The following DDX1 variants were observed in gnomAD, a reference collection of about 807,000 sequenced individuals.
DDX1 encodes the protein ATP-dependent RNA helicase DDX1.
In DDX1, 28 loss-of-function variants were observed where a neutral mutation model predicts 108.7. That is an observed-to-expected ratio of 0.26 (90% CI 0.19 to 0.35). The LOEUF (loss-of-function observed/expected upper bound fraction) is 0.35. DDX1 is among the 10% of genes least tolerant of loss of function. The pLI, the probability that DDX1 is intolerant of heterozygous loss-of-function variation, is 1.00. For missense variants in DDX1, 710 were observed against 884.5 expected, an observed-to-expected ratio of 0.80 and a Z score of 2.50; for synonymous variants, 295 against 288.9, an observed-to-expected ratio of 1.02 and a Z score of -0.21.
chr2:15,593,746 T>C (rs923596365), intron 1 of DDX1, among the ~76,000 whole-genome samples: 1 of 152,024 alleles, frequency 6.6e-6, no homozygotes, highest in Non-Finnish European at 1.5e-5. Context: ...AGATCTTCAT[T>C]AGTTTATCTG....
intron 13 of DDX1, among the ~76,000 whole-genome samples, chr2:15,611,623 C>A (rs1435000224): frequency 2.8e-5 from 3 of 105,350 alleles, no homozygotes; most frequent in African/African-American, 1.5e-4. Context: ...CTCCTCACTT[C>A]CCAGTAGGGG....
chr2:15,595,332 G>T, intron 2 of DDX1, 136 bp downstream of exon 2: 1 of 934,330 alleles, frequency 1.1e-6, no homozygotes, highest in Non-Finnish European at 1.6e-6. Context: ...TCTAAATTAT[G>T]GAAAGTTTCC....
At position 15,623,477 on chromosome 2, in the gene DDX1, G is replaced by T; in HGVS notation, c.1489G>T (p.Ala497Ser). The change falls in exon 19 of 26, where the codon GCT (alanine) becomes TCT (serine). Residue 497 changes from alanine to serine, a missense_variant. Ala to Ser is a moderately conservative substitution (Grantham distance 99). Coordinates refer to ENST00000233084, the MANE Select transcript of DDX1 (RefSeq NM_004939.3). ...TATTAAAATCCTGAAAGGGGAGTAT[G>T]CTGTCCGGGCAATCAAGGAACATAA... is the stretch of plus-strand genomic sequence containing the variant. ...EAIKILKGEY[A>S]VRAIKEHKMD... 6.2e-7 allele frequency: 1 copy of T among 1,613,588 alleles called. No individual in the cohort carries two copies. The highest frequency in any genetic ancestry group is 2.2e-5 in the East Asian group (1 of 44,784).
At chr2:15,603,925 A>C in intron 9 of DDX1, 35 bp downstream of exon 9, 1 of 1,434,558 alleles carries the variant, frequency 7.0e-7, no homozygotes, top group Non-Finnish European at 9.7e-7. Flanking sequence ...ACATAGCATA[A>C]GTAAGTTTTC....
chr2:15,597,925 A>G (rs555720167), intron 5 of DDX1, among the ~76,000 whole-genome samples: 2 of 152,186 alleles, frequency 1.3e-5, no homozygotes, highest in South Asian at 4.2e-4. Flanking sequence ...GGAAGTTAAA[A>G]TATAAATTTT....
chr2:15,612,596 A>G (rs1665794050), intron 13 of DDX1, among the ~76,000 whole-genome samples: 2 of 151,498 alleles, frequency 1.3e-5, no homozygotes, highest in Admixed American at 6.6e-5. Context: ...CTCACTTCCC[A>G]GACGGGGTGG....
intron 23 of DDX1, among the ~76,000 whole-genome samples, chr2:15,629,177 T>C (rs908456104): frequency 6.6e-6 from 1 of 152,218 alleles, no homozygotes; most frequent in African/African-American, 2.4e-5. Context: ...AGAAAAGTTG[T>C]ATTCATAAAG....
chr2:15,605,929 C>A (rs556526208), intron 10 of DDX1, 21 bp from the exon 11 acceptor site: 46 of 1,499,616 alleles, frequency 3.1e-5, no homozygotes, highest in Non-Finnish European at 4.0e-5. Context: ...TTTAATCTCT[C>A]TCTCTCTCTT....
At chr2:15,599,762 T>G (rs1573037130) in intron 6 of DDX1, 46 bp downstream of exon 6, 1 of 1,403,804 alleles carries the variant, frequency 7.1e-7, no homozygotes, top group Non-Finnish European at 9.9e-7. Flanking sequence ...TTCAGAAACT[T>G]TAAAAAATAA....
rs1281722377 is a variant in DDX1, at chr2:15,623,657, T to C, written c.1594+75T>C. 7 of 1,256,634 alleles carry C rather than the reference T, an allele frequency of 5.6e-6. No homozygotes were observed. In the Admixed American group the frequency reaches 9.0e-5, roughly 16 times the overall value. The allele number at this position is 1,256,634 out of a possible 1,614,324, so 77.8% of individuals were successfully genotyped here. On this transcript the variant is annotated intron_variant, in intron 19 of 25. Transcript: ENST00000233084. ...GATTATTAATCTCATGTTGATGCAA[T>C]CTAGAACACATGCACAGAATTTAAA...
intron 13 of DDX1, among the ~76,000 whole-genome samples, chr2:15,612,790 C>T (rs1473189035): frequency 3.3e-5 from 5 of 152,340 alleles, no homozygotes; most frequent in Middle Eastern, 3.4e-3. Flanking sequence ...GGATCACTCG[C>T]GGTTAGGAGC....
chr2:15,630,186 AC>A, intron 25 of DDX1, 76 bp downstream of exon 25: 1 of 1,423,126 alleles, frequency 7.0e-7, no homozygotes, highest in Non-Finnish European at 9.8e-7. Flanking sequence ...GGAAGGCAGT[AC>A]TTTCATTTCA....
chr2:15,600,420 C>T (rs1665571407), intron 6 of DDX1, among the ~76,000 whole-genome samples: 1 of 152,226 alleles, frequency 6.6e-6, no homozygotes, highest in Admixed American at 6.5e-5. Context: ...GTAAAGACTC[C>T]TCAGGAAGCT....
Position 15,623,363 on chromosome 2 carries a change from CTATAAT to C in DDX1, c.1448-69_1448-64del, listed in dbSNP as rs1666041791. The C allele has an allele frequency of 2.7e-6, 4 of 1,458,104 alleles. No homozygotes were observed. The East Asian group carries it at 6.9e-5, about 25-fold the overall frequency. The allele number at this position is 1,458,104 out of a possible 1,614,324, so 90.3% of individuals were successfully genotyped here. A position where few individuals can be genotyped will look rare whatever the true frequency, so the allele number is the denominator to read the frequency against. The stretch of plus-strand genomic sequence containing the variant: ...GGAAAATTAAGCAGTCAGTCTGTGA[CTATAAT>C]TATGTGTATTCATGACAAGTTCAGA... On this transcript the variant is annotated intron_variant, in intron 18 of 25. Coordinates refer to ENST00000233084, the MANE Select transcript of DDX1 (RefSeq NM_004939.3).
Position 15,607,244 on chromosome 2 carries a change from G to T in DDX1, c.887G>T (p.Arg296Leu). Residue 296 changes from arginine (R) to leucine (L), a missense_variant, in exon 13 of 26, where the codon CGG (arginine) becomes CTG (leucine). Around this residue, in one of 3 missense-constraint regions of DDX1, gnomAD observed 661 missense variants for 810.2 expected, o/e 0.82. Transcript: ENST00000233084. ...APKALIVEPS[R>L]ELAEQTLNNI... ...AAAGCTCTCATTGTTGAACCTTCCC[G>T]GGAGTTAGCTGAACAAACTTTGAAC... is the stretch of plus-strand genomic sequence containing the variant. 1 of 1,613,474 alleles carries T rather than the reference G, an allele frequency of 6.2e-7. No homozygotes were observed. Among genetic ancestry groups the T allele is most frequent in the Non-Finnish European group, 8.5e-7 (1 of 1,179,506 alleles).
In DDX1 at chr2:15,631,025, C is replaced by T; in HGVS notation, c.*119C>T. The T allele has an allele frequency of 1.1e-6, 1 of 873,564 alleles. No individual in the cohort carries two copies. The highest frequency in any genetic ancestry group is 1.6e-6 in the Non-Finnish European group (1 of 612,602). The allele number at this position is 873,564 out of a possible 1,614,324, so 54.1% of individuals were successfully genotyped here. A position where few individuals can be genotyped will look rare whatever the true frequency, so the allele number is the denominator to read the frequency against. On this transcript the variant is annotated 3_prime_UTR_variant, in exon 26 of 26. Coordinates refer to ENST00000233084, the MANE Select transcript of DDX1 (RefSeq NM_004939.3). Reference sequence around the variant, plus strand: ...GTAACGTAAGCTATTAATGCTAACTCTTGCATGTCAAGAAACATTAGTCTT... The same window carrying T: ...GTAACGTAAGCTATTAATGCTAACTTTTGCATGTCAAGAAACATTAGTCTT...
intron 15 of DDX1, 23 bp from the exon 16 acceptor site, chr2:15,618,158 T>C: frequency 1.4e-6 from 2 of 1,422,402 alleles, no homozygotes; most frequent in Admixed American, 1.8e-5. Flanking sequence ...AAAAACTTAA[T>C]TTATTCTTTG....
intron 1 of DDX1, among the ~76,000 whole-genome samples, chr2:15,592,199 C>T (rs1665425450): frequency 6.6e-6 from 1 of 152,252 alleles, no homozygotes; most frequent in Non-Finnish European, 1.5e-5. Context: ...TACCAGTCTC[C>T]ACTTGGCTTT....
intron 19 of DDX1, among the ~76,000 whole-genome samples, chr2:15,626,327 T>C (rs1666099974): frequency 6.6e-6 from 1 of 152,162 alleles, no homozygotes; most frequent in Non-Finnish European, 1.5e-5. Flanking sequence ...TCTGCATAAT[T>C]AATTTTTGTG....
Sources: gnomAD v4.1 joint callset for allele counts (sites outside exome capture counted in the v4.1 genomes callset) on GRCh38, gnomAD v4.1.1 for gene constraint, gnomAD v4.1.1 regional missense constraint, MANE v1.5 for transcripts, NCBI Gene and HGNC (gene_info 2026-07-23, HGNC 2026-07-21) for gene names.